IHO1: variants seen among roughly 807,000 people sequenced by gnomAD.
The protein encoded by IHO1 is interactor of HORMAD1 1, also known as interactor of HORMAD1 protein 1.
IHO1 carries 13 observed loss-of-function variants against 31.0 expected under a neutral mutation model. The ratio of observed to expected loss-of-function variants is 0.42; its 90% CI spans 0.27 to 0.67. The LOEUF is 0.67. Among genes scored for constraint, IHO1 ranks in the 30% least tolerant of loss-of-function variants. The pLI is 0.24. For missense variants in IHO1, 599 were observed against 687.5 expected (o/e 0.87, Z 1.44); for synonymous variants, 221 against 248.4 (o/e 0.89, Z 1.04).
intron 1 of IHO1, among the ~76,000 whole-genome samples, chr3:49,204,545 G>A (rs1445929601): frequency 6.6e-6 from 1 of 152,164 alleles, no homozygotes; most frequent in Non-Finnish European, 1.5e-5. Context: ...ATGAGGAGCT[G>A]TAATCTGAAA....
At chr3:49,248,039 C>T (rs1270222750) in intron 6 of IHO1, among the ~76,000 whole-genome samples, 5 of 149,650 alleles carry the variant, frequency 3.3e-5, no homozygotes, top group Non-Finnish European at 5.9e-5. Flanking sequence ...ACAGGAGAAT[C>T]GTTTGAACCT....
At chr3:49,236,149 C>T (rs1307895212) in intron 2 of IHO1, among the ~76,000 whole-genome samples, 1 of 152,026 alleles carries the variant, frequency 6.6e-6, no homozygotes, top group African/African-American at 2.4e-5. Flanking sequence ...GCTGAGGCTG[C>T]AGTGAGCCGA....
At chr3:49,228,665 G>A (rs906101668) in intron 2 of IHO1, among the ~76,000 whole-genome samples, 11 of 152,158 alleles carry the variant, frequency 7.2e-5, no homozygotes, top group African/African-American at 2.2e-4. Context: ...TCCTTCAGAC[G>A]TTTAGATGTC....
intron 2 of IHO1, among the ~76,000 whole-genome samples, chr3:49,233,624 G>A (rs557127032): frequency 1.3e-5 from 2 of 152,288 alleles, no homozygotes; most frequent in South Asian, 2.1e-4. Flanking sequence ...CAACTCCTGC[G>A]AGAAGTAGCT....
chr3:49,228,207 G>T (rs1387361709), intron 2 of IHO1: 1 of 364,250 alleles, frequency 2.7e-6, no homozygotes, highest in African/African-American at 2.1e-5. Context: ...CACAGCCGCA[G>T]GGTCAACCAA....
At chr3:49,213,408 A>G (rs2046246599) in intron 2 of IHO1, among the ~76,000 whole-genome samples, 2 of 152,266 alleles carry the variant, frequency 1.3e-5, no homozygotes, top group Non-Finnish European at 2.9e-5. Context: ...TGGTGTATCT[A>G]CAATCCTTTA....
upstream of IHO1, among the ~76,000 whole-genome samples, chr3:49,196,268 G>A (rs1265218210): frequency 6.7e-6 from 1 of 149,794 alleles, no homozygotes; most frequent in African/African-American, 2.4e-5. Flanking sequence ...GGGGAGCAAG[G>A]GGAATGGTAT....
intron 3 of IHO1, among the ~76,000 whole-genome samples, chr3:49,239,719 A>T (rs973188281): frequency 6.9e-5 from 10 of 145,144 alleles, no homozygotes; most frequent in Non-Finnish European, 1.2e-4. Flanking sequence ...CTGGAGTGCA[A>T]TGGTACGATC....
At chr3:49,216,892 C>A (rs1389105771) in intron 2 of IHO1, among the ~76,000 whole-genome samples, 1 of 152,208 alleles carries the variant, frequency 6.6e-6, no homozygotes, top group South Asian at 2.1e-4. Flanking sequence ...CAGAAATGCT[C>A]ATCATCACTT....
chr3:49,251,879 G>A (rs562370435), intron 6 of IHO1, among the ~76,000 whole-genome samples: 22 of 151,710 alleles, frequency 1.5e-4, no homozygotes, highest in African/African-American at 4.8e-4. Flanking sequence ...TGGGATTACG[G>A]GCGGAGCTAC....
upstream of IHO1, among the ~76,000 whole-genome samples, chr3:49,194,390 G>A (rs1263240684): frequency 7.2e-6 from 1 of 138,756 alleles, no homozygotes; most frequent in Non-Finnish European, 1.6e-5. Flanking sequence ...TGCAAGCTCC[G>A]CCTCCCGGGC....
At chr3:49,221,734 G>A (rs1185916194) in intron 2 of IHO1, among the ~76,000 whole-genome samples, 1 of 152,202 alleles carries the variant, frequency 6.6e-6, no homozygotes, top group Non-Finnish European at 1.5e-5. Context: ...ACCATCTATA[G>A]ACTGATGGCC....
At chr3:49,203,079 TG>T (rs2046091367) in intron 1 of IHO1, among the ~76,000 whole-genome samples, 1 of 151,830 alleles carries the variant, frequency 6.6e-6, no homozygotes, top group Non-Finnish European at 1.5e-5. Flanking sequence ...GTTGCCCAGG[TG>T]GGTCTTGAAC....
chr3:49,225,033 G>A (rs1257664289), intron 2 of IHO1, among the ~76,000 whole-genome samples: 7 of 152,150 alleles, frequency 4.6e-5, no homozygotes, highest in Non-Finnish European at 7.4e-5. Context: ...GGCCACTGCC[G>A]CAACTACCCG....
At chr3:49,231,366 C>T (rs1275308889) in intron 2 of IHO1, among the ~76,000 whole-genome samples, 6 of 152,112 alleles carry the variant, frequency 3.9e-5, no homozygotes, top group East Asian at 1.9e-4. Context: ...CCTAAAATAA[C>T]GAAATTTAAA....
chr3:49,197,373 C>G (rs547781673), upstream of IHO1, among the ~76,000 whole-genome samples: 1 of 151,654 alleles, frequency 6.6e-6, no homozygotes, highest in East Asian at 1.9e-4. Flanking sequence ...ATGGCTCACT[C>G]TAACCTCAAA....
At chr3:49,196,032 G>T (rs1296307947), upstream of IHO1, among the ~76,000 whole-genome samples, 2 of 150,858 alleles carry the variant, frequency 1.3e-5, no homozygotes, top group South Asian at 4.2e-4. Flanking sequence ...TCAGCAGATC[G>T]AGAATATCCT....
upstream of IHO1, among the ~76,000 whole-genome samples, chr3:49,196,854 T>C (rs1245460613): frequency 6.6e-6 from 1 of 151,782 alleles, no homozygotes; most frequent in Non-Finnish European, 1.5e-5. Flanking sequence ...GTATTTTTAG[T>C]AGAGACGGGG....
intron 2 of IHO1, chr3:49,228,194 A>C (rs1275533156): frequency 6.1e-6 from 2 of 326,834 alleles, no homozygotes; most frequent in East Asian, 1.8e-4. Context: ...TGAGAGTTCT[A>C]CTCACAGCCG....
Sources: gnomAD v4.1 joint callset for allele counts (sites outside exome capture counted in the v4.1 genomes callset) on GRCh38, gnomAD v4.1.1 for gene constraint, MANE v1.5 for transcripts, NCBI Gene and HGNC (gene_info 2026-07-23, HGNC 2026-07-21) for gene names.